The following HMCN2 variants were observed in gnomAD, a reference collection of about 807,000 sequenced individuals.
The protein encoded by HMCN2 is hemicentin 2.
A neutral mutation model predicts 377.5 loss-of-function variants in HMCN2; 325 were observed. The ratio of observed to expected loss-of-function variants is 0.86; its 90% CI spans 0.79 to 0.94. The LOEUF is 0.94. Ranked by LOEUF, HMCN2 falls within the 40% of genes least tolerant of loss-of-function variation. The pLI, the probability that HMCN2 is intolerant of heterozygous loss-of-function variation, is 0.00. For synonymous variants in HMCN2, 2,007 were observed against 2,046.8 expected, an observed-to-expected ratio of 0.98 and a Z score of 0.53; for missense variants, 4,543 against 4,725.3, an observed-to-expected ratio of 0.96 and a Z score of 1.13.
chr9:130,397,836 T>C (rs1842678695), intron 74 of HMCN2, among the ~76,000 whole-genome samples, 181 bp downstream of exon 74: 1 of 152,090 alleles, frequency 6.6e-6, no homozygotes, highest in African/African-American at 2.4e-5. Flanking sequence ...TGTATTTTAG[T>C]GCATATATTA....
intron 22 of HMCN2, among the ~76,000 whole-genome samples, chr9:130,336,375 A>G (rs1431528764): frequency 8.5e-5 from 13 of 152,322 alleles, no homozygotes; most frequent in African/African-American, 3.1e-4. Context: ...TCTTGTCTCC[A>G]TGGAAGCAGC....
At chr9:130,313,586 T>C (rs1413139503) in intron 15 of HMCN2, among the ~76,000 whole-genome samples, 1 of 129,622 alleles carries the variant, frequency 7.7e-6, no homozygotes, top group Non-Finnish European at 1.7e-5. Flanking sequence ...GTGGAATAAA[T>C]AATGCATGTG....
rs569738139 is a variant in HMCN2 at position 130,432,422 on chromosome 9, C to A, written c.14768-7C>A. ...CCCTCCCCCGCTTCACCAACTTCCC[C>A]ATCCAGACATCAACGAGTGCGAGGA... On this transcript the variant is annotated splice_polypyrimidine_tract_variant and splice_region_variant and intron_variant, in intron 96 of 97. Coordinates refer to ENST00000683500, the MANE Select transcript of HMCN2 (RefSeq NM_001291815.2). 5 of 1,551,112 alleles carry A rather than the reference C, an allele frequency of 3.2e-6. No homozygotes were observed. The East Asian group carries it at 9.8e-5, about 30-fold the overall frequency.
At chr9:130,386,348 C>T (rs1322461865) in intron 60 of HMCN2, 95 bp from the exon 61 acceptor site, 1 of 655,316 alleles carries the variant, frequency 1.5e-6, no homozygotes, top group East Asian at 7.1e-5. Context: ...GAGGCCCCTG[C>T]TCTGGAAGTT....
intron 94 of HMCN2, chr9:130,429,972 C>A: frequency 1.7e-6 from 1 of 597,608 alleles, no homozygotes; most frequent in Non-Finnish European, 2.9e-6. Context: ...ACTGTGGAGG[C>A]AAGTGGGTGT....
chr9:130,278,418 C>G (rs1318964632), intron 1 of HMCN2, among the ~76,000 whole-genome samples: 2 of 152,030 alleles, frequency 1.3e-5, no homozygotes, highest in African/African-American at 4.8e-5. Flanking sequence ...GCCACCGCGC[C>G]CGGCCGCCAT....
At chr9:130,318,905 G>A (rs1837703297) in intron 15 of HMCN2, among the ~76,000 whole-genome samples, 1 of 152,204 alleles carries the variant, frequency 6.6e-6, no homozygotes, top group South Asian at 2.1e-4. Flanking sequence ...CCCCCCCGAC[G>A]CTGGCTGTTT....
At chr9:130,374,792 A>G (rs1003754938) in intron 49 of HMCN2, 99 bp downstream of exon 49, 2 of 513,518 alleles carry the variant, frequency 3.9e-6, no homozygotes, top group African/African-American at 4.2e-5. Context: ...CCATTCTACT[A>G]TTTTTCTTCT....
chr9:130,276,338 G>T (rs1234164676), intron 1 of HMCN2, among the ~76,000 whole-genome samples: 1 of 146,562 alleles, frequency 6.8e-6, no homozygotes, highest in Non-Finnish European at 1.5e-5. Flanking sequence ...GTGGCTGCCC[G>T]CAATGACATT....
rs782401978 is a variant in HMCN2, at chr9:130,306,952, A to T, written c.2086+14A>T. On this transcript the variant is annotated intron_variant, in intron 13 of 97. Coordinates refer to ENST00000683500, the MANE Select transcript of HMCN2 (RefSeq NM_001291815.2). ...TCTACTACACAGGTACCCAGGCCAC[A>T]AGCATCACCTTACAGGAGAAGGGCC... 2.2e-6 allele frequency: 1 copy of T among 462,284 alleles called. No individual in the cohort carries two copies. The allele number at this position is 462,284 out of a possible 1,614,324, so 28.6% of individuals were successfully genotyped here.
Position 130,420,470 on chromosome 9 carries a change from AAAAAC to A in HMCN2, c.13231+1456_13231+1460del, listed in dbSNP as rs539753745. ...ATTTGTTCTGTAGGGCTACTGGTAA[AAAAAC>A]AAAACAAAACAAAACAAAACAAAAC... On this transcript the variant is annotated intron_variant, in intron 86 of 97. Transcript: ENST00000683500. 3.5e-4 allele frequency among the ~76,000 whole-genome samples: 54 copies of A among 152,234 alleles called. 1 individual carries two copies. Among genetic ancestry groups the A allele is most frequent in the Middle Eastern group, 6.8e-3 (2 of 294 alleles).
Position 130,433,639 on chromosome 9 carries a change from G to T in HMCN2, c.15186G>T (p.Pro5062=). ...LYRLTVRAAA[P]RHQSVFVLLI... Reference sequence around the variant, plus strand: ...GGCTCACCGTGCGTGCTGCGGCACCGCGCCACCAAAGCGTCTTCGTCTTGC... The same window carrying T: ...GGCTCACCGTGCGTGCTGCGGCACCTCGCCACCAAAGCGTCTTCGTCTTGC... Residue 5062 remains proline, a synonymous_variant, in exon 98 of 98, where the codon CCG becomes CCT. Transcript: ENST00000683500. 6.6e-7 allele frequency: 1 copy of T among 1,520,732 alleles called. No homozygotes were observed. The highest frequency in any genetic ancestry group is 8.8e-7 in the Non-Finnish European group (1 of 1,134,840). The allele number at this position is 1,520,732 out of a possible 1,614,324, so 94.2% of individuals were successfully genotyped here.
chr9:130,266,246 GGCTTGGCGGGCGC>G (rs781873052), intron 1 of HMCN2, 109 bp downstream of exon 1: 8 of 357,590 alleles, frequency 2.2e-5, no homozygotes, highest in Non-Finnish European at 3.8e-5. Flanking sequence ...GCTGCGCCGC[GGCTTGGCGGGCGC>G]GCCTTCTCGG....
rs1364843632 is a variant in HMCN2, at chr9:130,382,292, T to C, written c.8540T>C (p.Val2847Ala). 2 of 985,440 alleles carry C rather than the reference T, an allele frequency of 2.0e-6. No homozygotes were observed. Among genetic ancestry groups the C allele is most frequent in the Non-Finnish European group, 2.4e-6 (2 of 829,706 alleles). 61.0% of individuals were successfully genotyped at this position (985,440 alleles called of 1,614,324 possible). ...GEDWLHYELLVLTPPVILGDT... is the reference protein window; with the variant it reads ...GEDWLHYELLALTPPVILGDT... ...GACTGGCTGCACTACGAGCTGCTGG[T>C]GCTGAGTGAGTGGCGGGGCCTGCAG... Residue 2847 changes from valine to alanine, a missense_variant, in exon 55 of 98, where the codon GTG (valine) becomes GCG (alanine). By Grantham distance (64) the Val-to-Ala change is moderately conservative. Around this residue, in one of 5 missense-constraint regions of HMCN2, gnomAD observed 736 missense variants for 773.2 expected, o/e 0.95. Transcript: ENST00000683500.
chr9:130,432,404 C>T lies in HMCN2; in HGVS notation c.14768-25C>T, dbSNP rs1422275316. On this transcript the variant is annotated intron_variant, in intron 96 of 97. Transcript: ENST00000683500. ...TGCTCCATCTTTTCATCTCCCTCCC[C>T]CGCTTCACCAACTTCCCCATCCAGA... 8.4e-6 allele frequency: 13 copies of T among 1,550,932 alleles called. No individual in the cohort carries two copies. In the South Asian group the frequency reaches 1.5e-4, roughly 18 times the overall value.
chr9:130,425,865 C>G lies in HMCN2; in HGVS notation c.13820C>G (p.Ser4607Trp). 2 of 1,550,398 alleles carry G rather than the reference C, an allele frequency of 1.3e-6. No homozygotes were observed. The highest frequency in any genetic ancestry group is 1.7e-6 in the Non-Finnish European group (2 of 1,146,956). ...CACCTGCGGGCCTCAGCTATCAGCT[C>G]GGCCTTTGATCCAGAGGCCGAGGCC... ...VQHLRASAIS[S>W]AFDPEAEALR... Residue 4607 changes from serine (S) to tryptophan (W), a missense_variant, in exon 90 of 98, where the codon TCG (serine) becomes TGG (tryptophan). Around this residue, in one of 5 missense-constraint regions of HMCN2, gnomAD observed 1,155 missense variants for 1,157.7 expected, o/e 1.00. Transcript: ENST00000683500.
At chr9:130,284,193 G>A (rs1564746030) in intron 1 of HMCN2, among the ~76,000 whole-genome samples, 1 of 152,204 alleles carries the variant, frequency 6.6e-6, no homozygotes, top group Non-Finnish European at 1.5e-5. Context: ...GTTGCTGTGT[G>A]TCCCAGAATG....
intron 97 of HMCN2, chr9:130,432,848 CTCA>C (rs1327911941): frequency 2.1e-6 from 1 of 477,346 alleles, no homozygotes; most frequent in Admixed American, 3.6e-5. Context: ...GCCACGGACA[CTCA>C]TCAAGACACA....
chr9:130,367,923 C>G (rs1264086103), intron 43 of HMCN2, among the ~76,000 whole-genome samples: 4 of 116,092 alleles, frequency 3.4e-5, no homozygotes, highest in African/African-American at 1.3e-4. Flanking sequence ...GCCTGGGCAA[C>G]AGAGAGAGAC....
Sources: allele counts gnomAD v4.1 joint callset (sites outside exome capture counted in the v4.1 genomes callset), GRCh38; gene constraint gnomAD v4.1.1; regional missense constraint gnomAD v4.1.1; transcripts MANE v1.5; gene names NCBI Gene and HGNC (gene_info 2026-07-23, HGNC 2026-07-21).